The following MBP variants were observed in gnomAD, a reference collection of about 807,000 sequenced individuals.
MBP encodes the protein Golli-MBP.
MBP carries 16 observed loss-of-function variants against 35.8 expected under a neutral mutation model. The observed-to-expected ratio is 0.45, with a 90% CI of 0.30 to 0.68. The LOEUF (loss-of-function observed/expected upper bound fraction) is 0.68. Among genes scored for constraint, MBP ranks in the 30% least tolerant of loss-of-function variants. MBP has a pLI of 0.08. For missense variants in MBP, 380 were observed against 404.7 expected (o/e 0.94, Z 0.52); for synonymous variants, 143 against 159.6 (o/e 0.90, Z 0.78).
At chr18:77,088,406 T>C (rs1437711489) in intron 2 of MBP, among the ~76,000 whole-genome samples, 1 of 152,200 alleles carries the variant, frequency 6.6e-6, no homozygotes, top group Non-Finnish European at 1.5e-5. Flanking sequence ...ATTGTCACGT[T>C]GGGTGCTAGG....
chr18:77,103,629 G>A (rs1976137026), intron 2 of MBP, among the ~76,000 whole-genome samples: 1 of 152,152 alleles, frequency 6.6e-6, no homozygotes, highest in Non-Finnish European at 1.5e-5. Flanking sequence ...CAAGAGCAAG[G>A]GCCGCCCCCA....
intron 1 of MBP, chr18:77,114,433 G>C (rs111694318): frequency 6.0e-5 from 9 of 148,770 alleles, no homozygotes; most frequent in Non-Finnish European, 1.0e-4. Flanking sequence ...TTGTTGAAGC[G>C]GGGAAAAAAA....
intron 2 of MBP, chr18:77,068,865 C>G (rs1974315175): frequency 2.4e-6 from 1 of 417,034 alleles, no homozygotes; most frequent in African/African-American, 2.1e-5. Flanking sequence ...GGGAGGGAAA[C>G]TTTCCTGGGA....
chr18:77,089,405 A>G (rs1413189857), intron 2 of MBP, among the ~76,000 whole-genome samples: 1 of 152,188 alleles, frequency 6.6e-6, no homozygotes, highest in Non-Finnish European at 1.5e-5. Flanking sequence ...GAGAAGACAG[A>G]GAGCTACACA....
chr18:77,077,293 C>T (rs1450381081), intron 2 of MBP, among the ~76,000 whole-genome samples: 1 of 134,410 alleles, frequency 7.4e-6, no homozygotes, highest in Non-Finnish European at 1.5e-5. Context: ...ACCTGGGAAG[C>T]GGAGGTTGCA....
At chr18:77,000,079 T>G (rs1479194075) in intron 4 of MBP, among the ~76,000 whole-genome samples, 1 of 152,138 alleles carries the variant, frequency 6.6e-6, no homozygotes, top group Non-Finnish European at 1.5e-5. Flanking sequence ...TTCTGCAAAA[T>G]TTTTGGCTAA....
At chr18:77,014,434 G>A in intron 4 of MBP, 16 of 985,510 alleles carry the variant, frequency 1.6e-5, no homozygotes, top group Non-Finnish European at 1.8e-5. Flanking sequence ...AGAACTGTGT[G>A]TGGGGCAGGC....
chr18:77,078,089 G>T (rs1402743268), intron 2 of MBP, among the ~76,000 whole-genome samples: 1 of 152,238 alleles, frequency 6.6e-6, no homozygotes, highest in African/African-American at 2.4e-5. Context: ...ACAGTCACCT[G>T]CTCTAACAGT....
At chr18:77,087,455 C>T (rs62102343) in intron 2 of MBP, 24,111 of 63,972 alleles carry the variant, frequency 0.38, 2,350 homozygotes, top group East Asian at 0.61. Context: ...AGCAGGGATC[C>T]GCGGAGCTCG....
In MBP at chr18:77,020,233, A is replaced by G. The variant is rs1471672543; in HGVS notation, c.140-2965T>C. Among the ~76,000 whole-genome samples, 1 of 152,024 alleles carries G rather than the reference A, an allele frequency of 6.6e-6. No individual in the cohort carries two copies. The highest frequency in any genetic ancestry group is 1.5e-5 in the Non-Finnish European group (1 of 67,994). Reference sequence around the variant, plus strand: ...GTCTGGCTGGGACACTAAGGAAAGAAAGGTCTCTGGCCTGGGGTGGGGGAG... The same window carrying G: ...GTCTGGCTGGGACACTAAGGAAAGAGAGGTCTCTGGCCTGGGGTGGGGGAG... On this transcript the variant is annotated intron_variant, in intron 3 of 8. Coordinates refer to ENST00000355994, the MANE Select transcript of MBP (RefSeq NM_001025101.2). This position sits in a 1 kb window ranked among gnomAD's most constrained non-coding sequence, Gnocchi z 4.1.
chr18:77,015,759 C>G (rs1971590023), intron 4 of MBP: 1 of 985,264 alleles, frequency 1.0e-6, no homozygotes, highest in African/African-American at 1.7e-5. Flanking sequence ...GAGACTAAAG[C>G]AAATTCTAGA....
In MBP at chr18:77,131,085, G is replaced by GCACA. The variant is rs1156767144; in HGVS notation, c.-26+1491_-26+1494dup. ...AACACACACACGCGCGCACGCACGCGCACACACACACACACACACACACAC... is the reference window on the plus strand; with the variant it reads ...AACACACACACGCGCGCACGCACGCGCACACACACACACACACACACACACACAC... On this transcript the variant is annotated intron_variant, in intron 1 of 8. Transcript: ENST00000355994. This position sits in a 1 kb window ranked among gnomAD's most constrained non-coding sequence, Gnocchi z 5.5. Among the ~76,000 whole-genome samples, 23 of 53,338 alleles carry GCACA rather than the reference G, an allele frequency of 4.3e-4. No individual in the cohort carries two copies. The highest frequency in any genetic ancestry group is 1.2e-3 in the African/African-American group (23 of 18,768). 35.0% of individuals were successfully genotyped at this position (53,338 alleles called of 152,430 possible).
rs1026605400 is a variant in MBP, at chr18:77,132,646, CA to C, written c.-93del. 1 of 152,172 alleles carries C rather than the reference CA, an allele frequency of 6.6e-6. No homozygotes were observed. The highest frequency in any genetic ancestry group is 1.5e-5 in the Non-Finnish European group (1 of 68,032). The allele number at this position is 152,172 out of a possible 1,614,324, so 9.4% of individuals were successfully genotyped here. Reference sequence around the variant, plus strand: ...GGTCCAAGGCCCTGCTCCGCCTGCCCAGGCCCGGGCAGGCTGGTCTCGGCTT... The same window carrying C: ...GGTCCAAGGCCCTGCTCCGCCTGCCCGGCCCGGGCAGGCTGGTCTCGGCTT... On this transcript the variant is annotated 5_prime_UTR_variant, in exon 1 of 9. Transcript: ENST00000355994.
At chr18:77,063,494 A>C (rs1278015989) in intron 3 of MBP, among the ~76,000 whole-genome samples, 1 of 152,216 alleles carries the variant, frequency 6.6e-6, no homozygotes, top group African/African-American at 2.4e-5. Context: ...AAAGGCCTGA[A>C]GGTGACTCTT....
intron 2 of MBP, among the ~76,000 whole-genome samples, chr18:77,097,962 G>T (rs1456423673): frequency 1.3e-5 from 2 of 151,992 alleles, no homozygotes; most frequent in Non-Finnish European, 2.9e-5. Flanking sequence ...CTCAACCCTG[G>T]GAAGTGGGGA....
chr18:76,992,935 G>A (rs117538209), intron 4 of MBP, among the ~76,000 whole-genome samples: 5,665 of 152,286 alleles, frequency 0.037, 152 homozygotes, highest in Non-Finnish European at 0.056. Context: ...CTTGTGCAGG[G>A]TCCTTTCTGT....
chr18:77,025,887 G>C (rs930254905), intron 3 of MBP, among the ~76,000 whole-genome samples: 1 of 152,044 alleles, frequency 6.6e-6, no homozygotes, highest in Non-Finnish European at 1.5e-5. Flanking sequence ...AGGTTCCGCT[G>C]CTGCCTTTCT....
chr18:76,986,092 G>A (rs1969544231), intron 7 of MBP: 4 of 985,578 alleles, frequency 4.1e-6, no homozygotes, highest in South Asian at 4.7e-5. Context: ...TTAACAATGG[G>A]GGGCGAAGTG....
rs917925836 is a variant in MBP, at chr18:77,101,830, G to C, written c.51+3381C>G. On this transcript the variant is annotated intron_variant, in intron 2 of 8. Transcript: ENST00000355994. The surrounding 1 kb of genome is among the most constrained non-coding windows in gnomAD (Gnocchi z 4.3). ...GAAGCTCCTGCAGGCAACAGACGAGGCCTCCCCACCACCTCCCCAGCAGCC... is the reference window on the plus strand; with the variant it reads ...GAAGCTCCTGCAGGCAACAGACGAGCCCTCCCCACCACCTCCCCAGCAGCC... Among the ~76,000 whole-genome samples, 12 of 152,132 alleles carry C rather than the reference G, an allele frequency of 7.9e-5. No individual in the cohort carries two copies. Among genetic ancestry groups the C allele is most frequent in the Non-Finnish European group, 1.8e-4 (12 of 68,030 alleles).
Sources: allele counts gnomAD v4.1 joint callset (sites outside exome capture counted in the v4.1 genomes callset), GRCh38; gene constraint gnomAD v4.1.1; non-coding constraint Gnocchi (gnomAD v3.1); transcripts MANE v1.5; gene names NCBI Gene and HGNC (gene_info 2026-07-23, HGNC 2026-07-21).